LONP1: variants seen among roughly 807,000 people sequenced by gnomAD.
LONP1 encodes the protein lon peptidase 1, mitochondrial.
LONP1 carries 31 observed loss-of-function variants against 98.5 expected under a neutral mutation model. That is an observed-to-expected ratio of 0.31 (90% CI 0.24 to 0.42). The LOEUF (loss-of-function observed/expected upper bound fraction) is 0.42. LONP1 is among the 20% of genes least tolerant of loss of function. The pLI, the probability that LONP1 is intolerant of heterozygous loss-of-function variation, is 1.00. For missense variants in LONP1, 1,336 were observed against 1,350.6 expected, an observed-to-expected ratio of 0.99 and a Z score of 0.17; for synonymous variants, 781 against 594.7, an observed-to-expected ratio of 1.31 and a Z score of -4.56.
chr19:5,716,979 A>T (rs1026381107), intron 1 of LONP1, among the ~76,000 whole-genome samples: 4 of 152,156 alleles, frequency 2.6e-5, no homozygotes, highest in Admixed American at 2.6e-4. Flanking sequence ...TATTTTTAGT[A>T]GAGACGGGGT....
chr19:5,705,055 A>G (rs2055121511), intron 8 of LONP1, among the ~76,000 whole-genome samples: 1 of 152,104 alleles, frequency 6.6e-6, no homozygotes, highest in African/African-American at 2.4e-5. Flanking sequence ...CCAGCTACTC[A>G]GGAAGTTGAG....
chr19:5,698,602 C>CAGGA (rs1427066591), intron 10 of LONP1, among the ~76,000 whole-genome samples: 3 of 152,218 alleles, frequency 2.0e-5, no homozygotes, highest in African/African-American at 7.2e-5. Flanking sequence ...GAGACCGTCT[C>CAGGA]TCCTGACTCC....
At position 5,696,240 on chromosome 19, in the gene LONP1, GC is replaced by G. The variant is rs748267797; in HGVS notation, c.1896+8del. ...CCCAGCAAGCCCAGGCCCCAGACAGGCCCCCCACCTTGGACAAGTCCACGGG... is the reference window on the plus strand; with the variant it reads ...CCCAGCAAGCCCAGGCCCCAGACAGGCCCCCACCTTGGACAAGTCCACGGG... On this transcript the variant is annotated splice_region_variant and intron_variant, in intron 12 of 17. Transcript: ENST00000360614. 2 of 1,613,016 alleles carry G rather than the reference GC, an allele frequency of 1.2e-6. No homozygotes were observed. The highest frequency in any genetic ancestry group is 1.3e-5 in the African/African-American group (1 of 75,044).
At chr19:5,694,941 T>C in intron 13 of LONP1, 40 bp from the exon 14 acceptor site, 2 of 1,577,042 alleles carry the variant, frequency 1.3e-6, no homozygotes, top group Non-Finnish European at 1.7e-6. Context: ...GGAGGGACCT[T>C]GCCCACCAGC....
rs374621224 is a variant in LONP1, at chr19:5,696,196, G to A, written c.1897-26C>T. 238 of 1,612,798 alleles carry A rather than the reference G, an allele frequency of 1.5e-4. 1 individual carries two copies. In the African/African-American group the frequency reaches 2.9e-3, roughly 20 times the overall value. On this transcript the variant is annotated intron_variant, in intron 12 of 17. Coordinates refer to ENST00000360614, the MANE Select transcript of LONP1 (RefSeq NM_004793.4). Reference sequence around the variant, plus strand: ...CTGGGGGCGGCGGCAAGGTGCTGGGGGACTGGCCGCTTACCCTCCCCAGCA... The same window carrying A: ...CTGGGGGCGGCGGCAAGGTGCTGGGAGACTGGCCGCTTACCCTCCCCAGCA...
intron 4 of LONP1, among the ~76,000 whole-genome samples, chr19:5,710,494 C>G (rs140690635): frequency 1.3e-3 from 197 of 152,190 alleles, no homozygotes; most frequent in Non-Finnish European, 1.7e-3. Flanking sequence ...CTCCTGGGCT[C>G]AAGCGATCCT....
rs187959237 is a variant in LONP1, at chr19:5,701,394, C to T, written c.1368-467G>A. ...CCTCTGATGCCGAGCCGAGGCTGGA[C>T]TGTGTGCTGCCATCTTGGCTCACTG... is the stretch of plus-strand genomic sequence containing the variant. On this transcript the variant is annotated intron_variant, in intron 8 of 17. Coordinates refer to ENST00000360614, the MANE Select transcript of LONP1 (RefSeq NM_004793.4). Among the ~76,000 whole-genome samples, 267 of 152,064 alleles carry T rather than the reference C, an allele frequency of 1.8e-3. 1 individual carries two copies. The highest frequency in any genetic ancestry group is 5.1e-3 in the African/African-American group (212 of 41,524).
chr19:5,696,610 G>C (rs892884949), intron 11 of LONP1, 60 bp downstream of exon 11: 1 of 1,537,972 alleles, frequency 6.5e-7, no homozygotes, highest in South Asian at 1.2e-5. Context: ...CGGAAGGCTC[G>C]GCTTCATCTT....
rs752535929 is a variant in LONP1 at position 5,713,125 on chromosome 19, G to GCCAC, written c.638+5_638+8dup. On this transcript the variant is annotated intron_variant, in intron 3 of 17. Transcript: ENST00000360614. Reference sequence around the variant, plus strand: ...CCCCACCTCCCACTGTCCCCCGCCAGCCACCCACCTTCTGTGTCCCATGAC... The same window carrying GCCAC: ...CCCCACCTCCCACTGTCCCCCGCCAGCCACCCACCCACCTTCTGTGTCCCATGAC... 1.2e-6 allele frequency: 2 copies of GCCAC among 1,611,538 alleles called. No individual in the cohort carries two copies. Among genetic ancestry groups the GCCAC allele is most frequent in the African/African-American group, 2.7e-5 (2 of 74,858 alleles).
upstream of LONP1, chr19:5,720,390 A>G (rs1036998817): frequency 1.3e-5 from 8 of 595,326 alleles, no homozygotes; most frequent in South Asian, 4.7e-5. Context: ...GCGCCCGTAC[A>G]AAACACTGGT....
chr19:5,705,457 CAAAAAAA>C (rs552452093), intron 8 of LONP1, among the ~76,000 whole-genome samples: 5 of 106,012 alleles, frequency 4.7e-5, no homozygotes, highest in Non-Finnish European at 9.3e-5. Context: ...GACTCCATTT[CAAAAAAA>C]AAAAAAAAAA....
At chr19:5,708,985 C>A (rs2055193075) in intron 4 of LONP1, 1 of 142,380 alleles carries the variant, frequency 7.0e-6, no homozygotes, top group Non-Finnish European at 1.5e-5. Context: ...TGCACTCCAA[C>A]CTGGGCGAAA....
Position 5,714,165 on chromosome 19 carries a change from A to C in LONP1, c.518+18T>G, listed in dbSNP as rs1340150887. The C allele has an allele frequency of 6.2e-7, 1 of 1,602,630 alleles. No individual in the cohort carries two copies. Among genetic ancestry groups the C allele is most frequent in the Non-Finnish European group, 8.5e-7 (1 of 1,171,232 alleles). On this transcript the variant is annotated intron_variant, in intron 2 of 17. Coordinates refer to ENST00000360614, the MANE Select transcript of LONP1 (RefSeq NM_004793.4). ...TAGGGCACCGTCAACAAGGGAATGA[A>C]GGAAAAATCACACTTACCTGTCATC...
intron 5 of LONP1, 133 bp downstream of exon 5, chr19:5,708,209 T>A: frequency 1.1e-6 from 1 of 920,220 alleles, no homozygotes; most frequent in South Asian, 1.5e-5. Context: ...AACGGGCTCC[T>A]CCACACAGGC....
At position 5,704,119 on chromosome 19, in the gene LONP1, C is replaced by T. The variant is rs550083758; in HGVS notation, c.1367+1653G>A. ...GCCCAGGTTCCTCACCAGGTCCTCACGACAGGCGGTGGGAGGTGAGAGACT... is the reference window on the plus strand; with the variant it reads ...GCCCAGGTTCCTCACCAGGTCCTCATGACAGGCGGTGGGAGGTGAGAGACT... On this transcript the variant is annotated intron_variant, in intron 8 of 17. Transcript: ENST00000360614. 1.3e-4 allele frequency among the ~76,000 whole-genome samples: 20 copies of T among 152,216 alleles called. No homozygotes were observed. In the South Asian group the frequency reaches 3.7e-3, roughly 28 times the overall value.
In LONP1 at chr19:5,711,918, C is replaced by T. The variant is rs1308397979; in HGVS notation, c.723G>A (p.Arg241=). The T allele has an allele frequency of 1.9e-6, 3 of 1,613,268 alleles. No individual in the cohort carries two copies. The highest frequency in any genetic ancestry group is 4.5e-5 in the East Asian group (2 of 44,852). Residue 241 remains arginine (R), a synonymous_variant, in exon 4 of 18, where the codon CGG becomes CGA. Coordinates refer to ENST00000360614, the MANE Select transcript of LONP1 (RefSeq NM_004793.4). Reference sequence around the variant, plus strand: ...GCTCGTCCTCCGCCTCCTTCTTGCCCCGCTTTGACTTCCTGCGGGGCTTGT... The same window carrying T: ...GCTCGTCCTCCGCCTCCTTCTTGCCTCGCTTTGACTTCCTGCGGGGCTTGT... ...NKHKPRRKSK[R]GKKEAEDELS...
intron 1 of LONP1, 110 bp from the exon 2 acceptor site, chr19:5,714,381 C>A: frequency 2.8e-6 from 2 of 717,400 alleles, no homozygotes; most frequent in South Asian, 3.3e-5. Context: ...CAGCTCACTG[C>A]AACCTCCACC....
rs1281008920 is a variant in LONP1, at chr19:5,697,422, GC to G, written c.1686-666del. Among the ~76,000 whole-genome samples the G allele has an allele frequency of 2.0e-4, 30 of 151,572 alleles. No homozygotes were observed. In the East Asian group the frequency reaches 5.6e-3, roughly 29 times the overall value. On this transcript the variant is annotated intron_variant, in intron 10 of 17. Transcript: ENST00000360614. ...AGATGTGTTCCAGGCCCAGGACACA[GC>G]CCGTGCAAAGGCCCTGAAACAGGAC... is the stretch of plus-strand genomic sequence containing the variant.
intron 9 of LONP1, among the ~76,000 whole-genome samples, chr19:5,699,563 T>G (rs538493286): frequency 6.4e-4 from 95 of 149,176 alleles, no homozygotes; most frequent in African/African-American, 2.2e-3. Context: ...CTGTTTTTTT[T>G]TTTTTTTTTT....
Sources: gnomAD v4.1 joint callset for allele counts (sites outside exome capture counted in the v4.1 genomes callset) on GRCh38, gnomAD v4.1.1 for gene constraint, MANE v1.5 for transcripts, NCBI Gene and HGNC (gene_info 2026-07-23, HGNC 2026-07-21) for gene names.